PBX4: variants seen among roughly 807,000 people sequenced by gnomAD.
PBX4 encodes the protein pre-B-cell leukemia transcription factor 4.
In PBX4, 26 loss-of-function variants were observed where a neutral mutation model predicts 35.1. The ratio of observed to expected loss-of-function variants is 0.74; its 90% CI spans 0.54 to 1.03. The LOEUF is 1.03. PBX4 is among the 50% of genes least tolerant of loss of function. The pLI is 0.00. For synonymous variants in PBX4, 199 were observed against 204.2 expected (o/e 0.97, Z 0.22); for missense variants, 448 against 504.3 (o/e 0.89, Z 1.07).
At position 19,562,801 on chromosome 19, in the gene PBX4, T is replaced by C. The variant is rs536408960; in HGVS notation, c.1033-684A>G. 3.9e-4 allele frequency among the ~76,000 whole-genome samples: 60 copies of C among 152,082 alleles called. No individual in the cohort carries two copies. Among genetic ancestry groups the C allele is most frequent in the Non-Finnish European group, 8.2e-4 (56 of 67,966 alleles). On this transcript the variant is annotated intron_variant, in intron 7 of 7. Coordinates refer to ENST00000251203, the MANE Select transcript of PBX4 (RefSeq NM_025245.3). This position sits in a 1 kb window ranked among gnomAD's most constrained non-coding sequence, Gnocchi z 4.8. ...CTGGCGCGTAGTCAGGTCCCAGGGG[T>C]GCAAAGGGCAAGGTGAGGCCCCTCA...
At position 19,608,768 on chromosome 19, in the gene PBX4, C is replaced by G. The variant is rs146187495; in HGVS notation, c.120-9403G>C. Reference sequence around the variant, plus strand: ...AGATCTTGGCCATCTCCTCAAGGCTCCTTGTCCCCCGCCTGACTTCACCTA... The same window carrying G: ...AGATCTTGGCCATCTCCTCAAGGCTGCTTGTCCCCCGCCTGACTTCACCTA... On this transcript the variant is annotated intron_variant, in intron 1 of 7. Transcript: ENST00000251203. 7 of 152,696 alleles carry G rather than the reference C, an allele frequency of 4.6e-5. No homozygotes were observed. The East Asian group carries it at 1.2e-3, about 25-fold the overall frequency. 9.5% of individuals were successfully genotyped at this position (152,696 alleles called of 1,614,324 possible).
At position 19,570,838 on chromosome 19, in the gene PBX4, A is replaced by G. The variant is rs1379501090; in HGVS notation, c.194-5T>C. On this transcript the variant is annotated splice_region_variant and splice_polypyrimidine_tract_variant and intron_variant, in intron 2 of 7. Transcript: ENST00000251203. ...GAATGCCACGGATGCTTACCACTAGATAAGAGAGACCGGGACAAGTCACAA... is the reference window on the plus strand; with the variant it reads ...GAATGCCACGGATGCTTACCACTAGGTAAGAGAGACCGGGACAAGTCACAA... 1 of 1,612,860 alleles carries G rather than the reference A, an allele frequency of 6.2e-7. No homozygotes were observed. The highest frequency in any genetic ancestry group is 8.5e-7 in the Non-Finnish European group (1 of 1,179,314).
chr19:19,583,873 C>T (rs571768410), intron 2 of PBX4, among the ~76,000 whole-genome samples: 1 of 152,250 alleles, frequency 6.6e-6, no homozygotes, highest in South Asian at 2.1e-4. Context: ...AGTTGGAGAC[C>T]AGCCTGACCA....
chr19:19,614,801 G>A (rs1335458840), intron 1 of PBX4, among the ~76,000 whole-genome samples: 1 of 152,014 alleles, frequency 6.6e-6, no homozygotes, highest in East Asian at 1.9e-4. Context: ...GGAAGGCTGA[G>A]GCGGGAGGAT....
rs1370532538 is a variant in PBX4, at chr19:19,563,604, G to C, written c.937C>G (p.Pro313Ala). 3 of 1,549,588 alleles carry C rather than the reference G, an allele frequency of 1.9e-6. No homozygotes were observed. Among genetic ancestry groups the C allele is most frequent in the Non-Finnish European group, 2.6e-6 (3 of 1,146,834 alleles). Residue 313 changes from proline to alanine, a missense_variant, in exon 7 of 8, where the codon CCC (proline) becomes GCC (alanine). Pro to Ala is a conservative substitution (Grantham distance 27, BLOSUM62 -1). Transcript: ENST00000251203. This position sits in a 1 kb window ranked among gnomAD's most constrained non-coding sequence, Gnocchi z 5.1. ...LSTPSSGSSGPFPLPSAGDAF... is the reference protein window; with the variant it reads ...LSTPSSGSSGAFPLPSAGDAF... ...TCCCCAGCGCTGGGCAGCGGGAAGGGTCCAGAGGAGCCTGGAAGAGATGGG... is the reference window on the plus strand; with the variant it reads ...TCCCCAGCGCTGGGCAGCGGGAAGGCTCCAGAGGAGCCTGGAAGAGATGGG...
chr19:19,613,472 A>T (rs2061673568), intron 1 of PBX4, among the ~76,000 whole-genome samples: 1 of 137,884 alleles, frequency 7.3e-6, no homozygotes, highest in South Asian at 2.3e-4. Flanking sequence ...AAAAAAAAAA[A>T]AGTAACTGGC....
chr19:19,599,211 C>T (rs2096524624), intron 2 of PBX4, 81 bp downstream of exon 2: 4 of 1,211,200 alleles, frequency 3.3e-6, no homozygotes, highest in Non-Finnish European at 4.8e-6. Context: ...AGGTGATCTG[C>T]CCGCCTCCGC....
At chr19:19,611,557 T>C (rs2061662721) in intron 1 of PBX4, among the ~76,000 whole-genome samples, 1 of 151,376 alleles carries the variant, frequency 6.6e-6, no homozygotes, top group Non-Finnish European at 1.5e-5. Context: ...CAGGTGCCTG[T>C]AATCCCAGCT....
intron 2 of PBX4, among the ~76,000 whole-genome samples, chr19:19,595,724 G>A (rs2061557006): frequency 6.7e-6 from 1 of 148,996 alleles, no homozygotes; most frequent in Non-Finnish European, 1.5e-5. Flanking sequence ...TCATGTGGGG[G>A]CTGTCAGCAG....
At chr19:19,570,432 G>GC in intron 3 of PBX4, 133 bp from the exon 4 acceptor site, 1 of 1,433,462 alleles carries the variant, frequency 7.0e-7, no homozygotes, top group Non-Finnish European at 9.4e-7. Flanking sequence ...TAAGTAAATG[G>GC]AAAGGGCTTT....
chr19:19,588,467 C>T (rs780490739), intron 2 of PBX4: 32 of 786,064 alleles, frequency 4.1e-5, no homozygotes, highest in Non-Finnish European at 6.3e-5. Flanking sequence ...TTAGTAGAGA[C>T]AGGGTTTCAC....
intron 1 of PBX4, among the ~76,000 whole-genome samples, chr19:19,600,980 G>A (rs965490750): frequency 6.6e-6 from 1 of 152,192 alleles, no homozygotes; most frequent in African/African-American, 2.4e-5. Context: ...TGTTTACTGA[G>A]TACCTACTAT....
At chr19:19,585,747 T>G (rs2061484935) in intron 2 of PBX4, among the ~76,000 whole-genome samples, 1 of 152,224 alleles carries the variant, frequency 6.6e-6, no homozygotes, top group African/African-American at 2.4e-5. Context: ...GAAGGTTCTT[T>G]GTAATTCTTT....
intron 1 of PBX4, among the ~76,000 whole-genome samples, chr19:19,614,153 C>A (rs547222856): frequency 6.6e-6 from 1 of 152,002 alleles, no homozygotes; most frequent in East Asian, 1.9e-4. Context: ...ATGGTGAAAC[C>A]CCATCTCCAC....
chr19:19,600,665 A>C (rs1040986032), intron 1 of PBX4, among the ~76,000 whole-genome samples: 2 of 151,982 alleles, frequency 1.3e-5, no homozygotes, highest in Admixed American at 6.6e-5. Context: ...CTAAAAGTAC[A>C]AAAAAGCTGG....
intron 5 of PBX4, among the ~76,000 whole-genome samples, chr19:19,566,074 A>T (rs2061340011): frequency 6.6e-6 from 1 of 151,838 alleles, no homozygotes; most frequent in Non-Finnish European, 1.5e-5. Flanking sequence ...CCTCATCCTC[A>T]TGAGGACCTG....
chr19:19,600,043 G>T (rs547604206), intron 1 of PBX4, among the ~76,000 whole-genome samples: 1 of 151,880 alleles, frequency 6.6e-6, no homozygotes, highest in Non-Finnish European at 1.5e-5. Context: ...TCAGGTGGGT[G>T]AGGCAGGAGA....
intron 1 of PBX4, among the ~76,000 whole-genome samples, chr19:19,614,234 A>C (rs1046500261): frequency 6.6e-6 from 1 of 152,104 alleles, no homozygotes; most frequent in African/African-American, 2.4e-5. Context: ...TGGGAGACTG[A>C]GGCTGGAGAA....
chr19:19,597,212 T>A (rs2061566818), intron 2 of PBX4, among the ~76,000 whole-genome samples: 1 of 152,068 alleles, frequency 6.6e-6, no homozygotes, highest in East Asian at 1.9e-4. Context: ...AAACTCCATC[T>A]CCAAAAAATA....
Sources: gnomAD v4.1 joint callset for allele counts (sites outside exome capture counted in the v4.1 genomes callset) on GRCh38, gnomAD v4.1.1 for gene constraint, Gnocchi (gnomAD v3.1) non-coding constraint, MANE v1.5 for transcripts, NCBI Gene and HGNC (gene_info 2026-07-23, HGNC 2026-07-21) for gene names.